The following ACSM2B variants were observed in gnomAD, a reference collection of about 807,000 sequenced individuals.
ACSM2B encodes the protein acyl-CoA synthetase medium chain family member 2B.
Under a neutral mutation model 78.6 loss-of-function variants are expected in ACSM2B, and 58 were observed. The ratio of observed to expected loss-of-function variants is 0.74; its 90% CI spans 0.60 to 0.92. The LOEUF (loss-of-function observed/expected upper bound fraction) is 0.92. ACSM2B is among the 40% of genes least tolerant of loss of function. The pLI, the probability that ACSM2B is intolerant of heterozygous loss-of-function variation, is 0.00. For missense variants in ACSM2B, 688 were observed against 711.2 expected (o/e 0.97, Z 0.37); for synonymous variants, 257 against 256.8 (o/e 1.00, Z -0.01).
intron 1 of ACSM2B, among the ~76,000 whole-genome samples, chr16:20,570,005 A>G (rs1324029636): frequency 1.3e-5 from 2 of 151,864 alleles, no homozygotes; most frequent in Non-Finnish European, 2.9e-5. Flanking sequence ...TTAACAGCAA[A>G]CAGCAACTGT....
intron 1 of ACSM2B, among the ~76,000 whole-genome samples, chr16:20,565,751 C>A (rs1703844998): frequency 1.3e-5 from 2 of 152,046 alleles, no homozygotes; most frequent in African/African-American, 4.8e-5. Flanking sequence ...ATACACTTAA[C>A]ACTTACAGTA....
chr16:20,573,198 T>C (rs1443566767), intron 1 of ACSM2B, among the ~76,000 whole-genome samples: 2 of 151,886 alleles, frequency 1.3e-5, no homozygotes, highest in Non-Finnish European at 2.9e-5. Context: ...GGGTAGGCTA[T>C]GTTAGAGGGA....
rs745608503 is a variant in ACSM2B, at chr16:20,548,171, T to A, written c.989A>T (p.His330Leu). The A allele has an allele frequency of 6.2e-7, 1 of 1,613,960 alleles. No homozygotes were observed. Among genetic ancestry groups the A allele is most frequent in the Non-Finnish European group, 8.5e-7 (1 of 1,179,908 alleles). Residue 330 changes from histidine (H) to leucine (L), a missense_variant, in exon 8 of 14, where the codon CAT becomes CTT. His to Leu is a moderately conservative substitution (Grantham distance 99). Coordinates refer to ENST00000329697, the MANE Select transcript of ACSM2B (RefSeq NM_001105069.2). ...CCCTCCAGCGAGGCAGTTCTGTAGA[T>A]GGGGGAACTTGTAACTGAAGAAGAG... ...QQDLSSYKFPHLQNCLAGGES... is the reference protein window; with the variant it reads ...QQDLSSYKFPLLQNCLAGGES...
At chr16:20,538,321 T>A (rs2014898812) in intron 13 of ACSM2B, among the ~76,000 whole-genome samples, 1 of 152,200 alleles carries the variant, frequency 6.6e-6, no homozygotes, top group South Asian at 2.1e-4. Flanking sequence ...ACAGCCCACT[T>A]CCTGTTTCTG....
chr16:20,558,251 T>C (rs1171278856), intron 3 of ACSM2B, among the ~76,000 whole-genome samples: 1 of 151,832 alleles, frequency 6.6e-6, no homozygotes, highest in African/African-American at 2.4e-5. Context: ...ACTCAACCAG[T>C]TCTGTGATCT....
Position 20,546,461 on chromosome 16 carries a change from AT to A in ACSM2B, c.1111del (p.Met371TrpfsTer6), listed in dbSNP as rs746645772. 1.9e-6 allele frequency: 3 copies of A among 1,606,890 alleles called. No individual in the cohort carries two copies. The highest frequency in any genetic ancestry group is 1.7e-6 in the Non-Finnish European group (2 of 1,175,806). On this transcript the variant is annotated frameshift_variant, in exon 9 of 14. Coordinates refer to ENST00000329697, the MANE Select transcript of ACSM2B (RefSeq NM_001105069.2). LOFTEE classifies it high-confidence loss of function. ...TTTGATTTTCATTGTCTTGGAAACCATGCAAGTTAATCCCTGTGGAAAGAAG... is the reference window on the plus strand; with the variant it reads ...TTTGATTTTCATTGTCTTGGAAACCAGCAAGTTAATCCCTGTGGAAAGAAG... Reference protein sequence around the residue: ...YGQTETGLTCMVSKTMKIKPG... With the variant: ...YGQTETGLTCXVSKTMKIKPG...
chr16:20,562,678 T>C (rs1209155537), intron 2 of ACSM2B, among the ~76,000 whole-genome samples: 6 of 152,156 alleles, frequency 3.9e-5, no homozygotes, highest in Non-Finnish European at 8.8e-5. Flanking sequence ...TGGTAGATGG[T>C]AGGGGCCTCA....
At position 20,555,372 on chromosome 16, in the gene ACSM2B, G is replaced by T; in HGVS notation, c.493C>A (p.Gln165Lys). Reference protein sequence around the residue: ...KAIVAGDEVIQEVDTVASECP... With the variant: ...KAIVAGDEVIKEVDTVASECP... ...TCAGATGCCACTGTGTCCACTTCTT[G>T]GATGACTTCATCCCCAGCAACAATA... Residue 165 changes from glutamine (Q) to lysine (K), a missense_variant, in exon 4 of 14, where the codon CAA becomes AAA. Gln to Lys is a moderately conservative substitution (Grantham distance 53). Transcript: ENST00000329697. 1 of 1,613,892 alleles carries T rather than the reference G, an allele frequency of 6.2e-7. No individual in the cohort carries two copies. The highest frequency in any genetic ancestry group is 8.5e-7 in the Non-Finnish European group (1 of 1,179,848).
intron 13 of ACSM2B, among the ~76,000 whole-genome samples, chr16:20,538,939 C>T (rs2014916390): frequency 6.6e-6 from 1 of 152,068 alleles, no homozygotes. Flanking sequence ...CCCACTCCAC[C>T]ACCAGACCCC....
chr16:20,561,975 T>TC (rs397785819), intron 2 of ACSM2B, among the ~76,000 whole-genome samples: 8 of 147,582 alleles, frequency 5.4e-5, no homozygotes, highest in African/African-American at 7.5e-5. Context: ...TTGGTTTTTT[T>TC]GTCCTTGCCA....
At chr16:20,540,507 T>C in intron 13 of ACSM2B, 147 bp downstream of exon 13, 1 of 1,397,168 alleles carries the variant, frequency 7.2e-7, no homozygotes, top group Non-Finnish European at 9.6e-7. Context: ...CCTTCCAAAG[T>C]GCTGGGATTG....
chr16:20,542,755 G>C, intron 12 of ACSM2B, 159 bp downstream of exon 12: 1 of 906,120 alleles, frequency 1.1e-6, no homozygotes, highest in African/African-American at 1.7e-5. Context: ...GAGAAACAGA[G>C]AGGCCAAGTA....
At position 20,546,654 on chromosome 16, in the gene ACSM2B, C is replaced by T. The variant is rs574722019; in HGVS notation, c.1099-180G>A. The T allele has an allele frequency of 9.7e-4, 1,147 of 1,182,166 alleles. 5 individuals are homozygous for T. In the African/African-American group the frequency reaches 0.011, roughly 12 times the overall value. The allele number at this position is 1,182,166 out of a possible 1,614,324, so 73.2% of individuals were successfully genotyped here. ...TTACTGGAATCACAATCCTAGGGGC[C>T]TCACTAAATTGTTTGTTCAGGAAGC... On this transcript the variant is annotated intron_variant, in intron 8 of 13. Transcript: ENST00000329697.
chr16:20,566,247 T>TTTTATATA (rs1491507567), intron 1 of ACSM2B, among the ~76,000 whole-genome samples: 825 of 69,938 alleles, frequency 0.012, 26 homozygotes, highest in East Asian at 0.034. Flanking sequence ...TCATGGAAGA[T>TTTTATATA]TATATATATA....
At chr16:20,542,602 T>C (rs541319101) in intron 12 of ACSM2B, 1 of 351,500 alleles carries the variant, frequency 2.8e-6, no homozygotes, top group East Asian at 5.4e-5. Context: ...TTCTTTTCCT[T>C]TGGATAAATA....
chr16:20,559,554 C>G, intron 2 of ACSM2B, 107 bp from the exon 3 acceptor site: 1 of 1,409,540 alleles, frequency 7.1e-7, no homozygotes, highest in Non-Finnish European at 9.5e-7. Context: ...GGTTTTTTAT[C>G]TCAGCACCTC....
At chr16:20,564,522 G>A in intron 2 of ACSM2B, 147 bp downstream of exon 2, 1 of 1,459,740 alleles carries the variant, frequency 6.9e-7, no homozygotes, top group Non-Finnish European at 9.1e-7. Flanking sequence ...ATACCATACT[G>A]CCTTCATGGA....
chr16:20,566,709 G>A (rs758517299), intron 1 of ACSM2B, among the ~76,000 whole-genome samples: 5 of 16,962 alleles, frequency 2.9e-4, no homozygotes, highest in African/African-American at 1.7e-3. Flanking sequence ...TATATATATA[G>A]TATATATAGT....
At chr16:20,546,263 TC>T in intron 9 of ACSM2B, 130 bp downstream of exon 9, 1 of 1,436,748 alleles carries the variant, frequency 7.0e-7, no homozygotes, top group Non-Finnish European at 9.2e-7. Flanking sequence ...CCTCCCTCCG[TC>T]CCTTTTTTCT....
Sources: gnomAD v4.1 joint callset for allele counts (sites outside exome capture counted in the v4.1 genomes callset) on GRCh38, gnomAD v4.1.1 for gene constraint, MANE v1.5 for transcripts, NCBI Gene and HGNC (gene_info 2026-07-23, HGNC 2026-07-21) for gene names.